Variants in EPB41L4A observed in about 807,000 individuals in gnomAD.
EPB41L4A encodes the protein band 4.1-like protein 4A.
A neutral mutation model predicts 108.6 loss-of-function variants in EPB41L4A; 100 were observed. That is an observed-to-expected ratio of 0.92 (90% confidence interval 0.78 to 1.09). EPB41L4A has a LOEUF of 1.09. Ranked by LOEUF, EPB41L4A falls within the 50% of genes least tolerant of loss-of-function variation. The pLI is 0.00. For synonymous variants in EPB41L4A, 319 were observed against 289.0 expected, an observed-to-expected ratio of 1.10 and a Z score of -1.05; for missense variants, 1,030 against 842.7, an observed-to-expected ratio of 1.22 and a Z score of -2.75.
At chr5:112,172,679 T>TA (rs1383245236) in intron 18 of EPB41L4A, among the ~76,000 whole-genome samples, 1 of 152,184 alleles carries the variant, frequency 6.6e-6, no homozygotes, top group Non-Finnish European at 1.5e-5. Context: ...TAAAAAGCAC[T>TA]AAGGTGTTAT....
At chr5:112,161,189 G>T, downstream of EPB41L4A, 2 of 253,612 alleles carry the variant, frequency 7.9e-6, no homozygotes, top group South Asian at 8.1e-5. Context: ...CCGTATAACT[G>T]ACTTTATGCT....
rs79301863 is a variant in EPB41L4A at position 112,253,706 on chromosome 5, A to G, written c.795+5523T>C. On this transcript the variant is annotated intron_variant, in intron 9 of 22. Transcript: ENST00000261486. The stretch of plus-strand genomic sequence containing the variant: ...TCTAAAGAGAAAGGCCTGTGTGTGT[A>G]TGGAGAGAAAGAAGGCACAAATAAC... Among the ~76,000 whole-genome samples, 65 of 152,348 alleles carry G rather than the reference A, an allele frequency of 4.3e-4. No homozygotes were observed. In the East Asian group the frequency reaches 0.011, roughly 26 times the overall value.
chr5:112,302,080 T>A (rs1380089926), intron 2 of EPB41L4A, among the ~76,000 whole-genome samples: 1 of 152,150 alleles, frequency 6.6e-6, no homozygotes, highest in Admixed American at 6.5e-5. Flanking sequence ...ATTCATAGGA[T>A]ACATTTAAAA....
intron 1 of EPB41L4A, among the ~76,000 whole-genome samples, chr5:112,319,051 C>T (rs191266977): frequency 1.3e-5 from 2 of 152,234 alleles, no homozygotes; most frequent in East Asian, 3.9e-4. Context: ...ATCTGGTACC[C>T]ACATCTTTGG....
At chr5:112,151,713 T>C (rs1258343807) in intron 12 of EPB41L4A, among the ~76,000 whole-genome samples, 1 of 150,488 alleles carries the variant, frequency 6.6e-6, no homozygotes, top group Non-Finnish European at 1.5e-5. Flanking sequence ...CAGTCCCATA[T>C]TATTTTATAT....
intron 1 of EPB41L4A, among the ~76,000 whole-genome samples, chr5:112,339,735 C>T (rs1483930449): frequency 1.3e-5 from 2 of 151,740 alleles, no homozygotes; most frequent in Non-Finnish European, 2.9e-5. Flanking sequence ...GCGGTTTCAC[C>T]ATGTTGGCCA....
chr5:112,410,110 C>T (rs1762323638), intron 1 of EPB41L4A, among the ~76,000 whole-genome samples: 1 of 152,180 alleles, frequency 6.6e-6, no homozygotes, highest in Non-Finnish European at 1.5e-5. Context: ...TTCATGAGAG[C>T]TGATACATCA....
intron 18 of EPB41L4A, among the ~76,000 whole-genome samples, chr5:112,182,261 T>C (rs1051477775): frequency 6.6e-6 from 1 of 152,144 alleles, no homozygotes; most frequent in African/African-American, 2.4e-5. Context: ...AAATTTCACC[T>C]CAAATTGCCT....
chr5:112,209,865 T>C (rs2150310760), intron 13 of EPB41L4A, 27 bp downstream of exon 13: 2 of 1,395,110 alleles, frequency 1.4e-6, no homozygotes, highest in South Asian at 1.2e-5. Context: ...CATATAATTG[T>C]ACGTTTCTTC....
intron 1 of EPB41L4A, among the ~76,000 whole-genome samples, chr5:112,323,745 G>A (rs1366845541): frequency 6.6e-6 from 1 of 152,136 alleles, no homozygotes; most frequent in East Asian, 1.9e-4. Flanking sequence ...AATAAACTGG[G>A]TTTTGCTTTA....
intron 1 of EPB41L4A, among the ~76,000 whole-genome samples, chr5:112,308,349 T>C (rs543862257): frequency 1.3e-5 from 2 of 152,322 alleles, no homozygotes; most frequent in Non-Finnish European, 2.9e-5. Context: ...CTCAGAAAAT[T>C]GCCAGGATGC....
intron 12 of EPB41L4A, among the ~76,000 whole-genome samples, chr5:112,214,695 G>A (rs1011820789): frequency 6.6e-6 from 1 of 152,106 alleles, no homozygotes; most frequent in African/African-American, 2.4e-5. Flanking sequence ...GAACTCAGGA[G>A]GCGGAGCTTG....
chr5:112,264,890 T>G lies in EPB41L4A; in HGVS notation c.554+6A>C. The G allele has an allele frequency of 6.2e-7, 1 of 1,608,546 alleles. No individual in the cohort carries two copies. The highest frequency in any genetic ancestry group is 8.5e-7 in the Non-Finnish European group (1 of 1,178,474). On this transcript the variant is annotated splice_donor_region_variant and intron_variant, in intron 6 of 22. Coordinates refer to ENST00000261486, the MANE Select transcript of EPB41L4A (RefSeq NM_022140.5). ...ATGCAATAAGACATGGTGTAATGAT[T>G]CTTACATTAGAGTTTTATGAATCCT...
At chr5:112,236,361 T>A (rs1048621309) in intron 11 of EPB41L4A, among the ~76,000 whole-genome samples, 3 of 152,204 alleles carry the variant, frequency 2.0e-5, no homozygotes, top group African/African-American at 7.2e-5. Flanking sequence ...CACATGTAGC[T>A]GTTGGGTTTG....
intron 1 of EPB41L4A, among the ~76,000 whole-genome samples, chr5:112,400,163 T>A (rs1322546403): frequency 6.6e-6 from 1 of 152,132 alleles, no homozygotes; most frequent in Non-Finnish European, 1.5e-5. Context: ...AGGCACCTTC[T>A]ATACAAGGTG....
chr5:112,188,072 C>T (rs1761513994), intron 17 of EPB41L4A, among the ~76,000 whole-genome samples: 1 of 152,224 alleles, frequency 6.6e-6, no homozygotes, highest in Non-Finnish European at 1.5e-5. Flanking sequence ...AACTTACACT[C>T]TTCAACTATA....
intron 4 of EPB41L4A, among the ~76,000 whole-genome samples, chr5:112,268,346 C>G (rs35705963): frequency 6.6e-6 from 1 of 152,046 alleles, no homozygotes; most frequent in Non-Finnish European, 1.5e-5. Flanking sequence ...CCACTGCACC[C>G]CAGCCTGGGT....
intron 22 of EPB41L4A, 123 bp from the exon 23 acceptor site, chr5:112,165,241 A>G: frequency 1.4e-6 from 1 of 727,722 alleles, no homozygotes; most frequent in Non-Finnish European, 2.3e-6. Context: ...AAAGTTTCAT[A>G]ATACCAAAAG....
At chr5:112,419,412 G>T (rs1353351892), upstream of EPB41L4A, 1 of 357,920 alleles carries the variant, frequency 2.8e-6, no homozygotes, top group South Asian at 2.1e-5. Flanking sequence ...ACCAGAAAAA[G>T]GAGTGATGGG....
Sources: gnomAD v4.1 joint callset for allele counts (sites outside exome capture counted in the v4.1 genomes callset) on GRCh38, gnomAD v4.1.1 for gene constraint, MANE v1.5 for transcripts, NCBI Gene and HGNC (gene_info 2026-07-23, HGNC 2026-07-21) for gene names.